GPC5: variants seen among roughly 807,000 people sequenced by gnomAD.
GPC5 encodes the protein glypican-5.
GPC5 carries 47 observed loss-of-function variants against 53.9 expected under a neutral mutation model. That is an observed-to-expected ratio of 0.87 (90% CI 0.69 to 1.11). The LOEUF is 1.11. Ranked by LOEUF, GPC5 falls within the 50% of genes most tolerant of loss-of-function variation. GPC5 has a pLI of 0.00. For missense variants in GPC5, 748 were observed against 713.1 expected, an observed-to-expected ratio of 1.05 and a Z score of -0.56; for synonymous variants, 286 against 263.3, an observed-to-expected ratio of 1.09 and a Z score of -0.84.
intron 2 of GPC5, among the ~76,000 whole-genome samples, chr13:91,618,925 A>G (rs1244007972): frequency 6.6e-6 from 1 of 152,152 alleles, no homozygotes; most frequent in Non-Finnish European, 1.5e-5. Flanking sequence ...ACAAACAAAT[A>G]AAAATGCACT....
At chr13:92,187,931 C>T (rs971054062) in intron 7 of GPC5, among the ~76,000 whole-genome samples, 1 of 152,194 alleles carries the variant, frequency 6.6e-6, no homozygotes, top group African/African-American at 2.4e-5. Flanking sequence ...CTCCTTCTAA[C>T]CACAAACTGT....
intron 5 of GPC5, among the ~76,000 whole-genome samples, chr13:91,788,397 C>T (rs2037911246): frequency 6.6e-6 from 1 of 152,098 alleles, no homozygotes; most frequent in Non-Finnish European, 1.5e-5. Context: ...ATTAGGACTT[C>T]AACATATGAA....
At chr13:91,506,638 T>C (rs1884958904) in intron 2 of GPC5, among the ~76,000 whole-genome samples, 1 of 152,074 alleles carries the variant, frequency 6.6e-6, no homozygotes, top group African/African-American at 2.4e-5. Context: ...AAGTTGAAAA[T>C]ACTCAAAATA....
chr13:92,446,671 A>C (rs1877840455), intron 7 of GPC5: 1 of 152,096 alleles, frequency 6.6e-6, no homozygotes, highest in Non-Finnish European at 1.5e-5. Context: ...TGGTTCATAC[A>C]GTAGTTCTAT....
intron 7 of GPC5, among the ~76,000 whole-genome samples, chr13:92,348,966 A>T (rs1228886258): frequency 1.3e-5 from 2 of 152,210 alleles, no homozygotes; most frequent in African/African-American, 2.4e-5. Flanking sequence ...TTTACCTAAA[A>T]AAAACCCAGA....
chr13:92,144,764 T>C, intron 6 of GPC5, 66 bp from the exon 7 acceptor site: 2 of 1,469,824 alleles, frequency 1.4e-6, no homozygotes, highest in Non-Finnish European at 1.9e-6. Flanking sequence ...AAATAAGTTT[T>C]CTGAATAGAA....
At chr13:92,372,333 G>A (rs2043657472) in intron 7 of GPC5, among the ~76,000 whole-genome samples, 1 of 152,124 alleles carries the variant, frequency 6.6e-6, no homozygotes, top group Non-Finnish European at 1.5e-5. Flanking sequence ...TATCCTCTGT[G>A]AAACAGAATA....
intron 6 of GPC5, among the ~76,000 whole-genome samples, chr13:91,991,789 C>T (rs527920365): frequency 6.6e-6 from 1 of 152,296 alleles, no homozygotes; most frequent in East Asian, 1.9e-4. Flanking sequence ...TCTTCATGCT[C>T]TGTGACTGGA....
At chr13:92,643,043 T>C (rs1194367101) in intron 7 of GPC5, among the ~76,000 whole-genome samples, 1 of 152,204 alleles carries the variant, frequency 6.6e-6, no homozygotes, top group East Asian at 1.9e-4. Flanking sequence ...TGTCTGTTCA[T>C]GTCCTTTGCC....
chr13:92,023,943 A>T (rs2040780533), intron 6 of GPC5, among the ~76,000 whole-genome samples: 1 of 152,102 alleles, frequency 6.6e-6, no homozygotes, highest in African/African-American at 2.4e-5. Context: ...AATTAAGTTG[A>T]TTTAATTCCC....
chr13:92,394,904 A>G (rs1875189318), intron 7 of GPC5, among the ~76,000 whole-genome samples: 2 of 152,318 alleles, frequency 1.3e-5, no homozygotes, highest in African/African-American at 2.4e-5. Context: ...GACAAATGTC[A>G]TTGCTTTGCA....
intron 7 of GPC5, among the ~76,000 whole-genome samples, chr13:92,624,941 A>G (rs562444463): frequency 6.6e-6 from 1 of 152,334 alleles, no homozygotes; most frequent in South Asian, 2.1e-4. Context: ...CATGAATACA[A>G]TAGCATGTAC....
intron 2 of GPC5, among the ~76,000 whole-genome samples, chr13:91,521,863 C>CTA (rs1434125363): frequency 6.6e-6 from 1 of 152,218 alleles, no homozygotes; most frequent in Non-Finnish European, 1.5e-5. Context: ...TGACTTGTGC[C>CTA]TATAACTGAC....
rs527436185 is a variant in GPC5 at position 92,304,111 on chromosome 13, G to A, written c.1561+159122G>A. Among the ~76,000 whole-genome samples the A allele has an allele frequency of 2.7e-4, 41 of 152,156 alleles. No homozygotes were observed. The South Asian group carries it at 3.5e-3, about 13-fold the overall frequency. On this transcript the variant is annotated intron_variant, in intron 7 of 7. Transcript: ENST00000377067. ...GCCTCATTATGGTTGGCTGTATATG[G>A]TGAACTCCATGTCTTGTAGGTTTTA...
intron 7 of GPC5, among the ~76,000 whole-genome samples, chr13:92,861,009 G>A (rs1879161956): frequency 6.6e-6 from 1 of 151,834 alleles, no homozygotes; most frequent in Non-Finnish European, 1.5e-5. Flanking sequence ...AGGAAACACA[G>A]CAATAGACTA....
At chr13:92,771,680 A>C (rs1287836566) in intron 7 of GPC5, among the ~76,000 whole-genome samples, 1 of 152,078 alleles carries the variant, frequency 6.6e-6, no homozygotes, top group Non-Finnish European at 1.5e-5. Flanking sequence ...TATCACAAAG[A>C]TACCTCTAGA....
intron 7 of GPC5, among the ~76,000 whole-genome samples, chr13:92,477,302 A>G (rs1879187774): frequency 6.6e-6 from 1 of 152,264 alleles, no homozygotes; most frequent in South Asian, 2.1e-4. Flanking sequence ...ATTCCATTTC[A>G]AGCCAAGACT....
In GPC5 at chr13:91,531,469, A is replaced by T. The variant is rs530869526; in HGVS notation, c.325+82547A>T. Among the ~76,000 whole-genome samples the T allele has an allele frequency of 1.2e-3, 181 of 152,288 alleles. 1 individual carries two copies. The highest frequency in any genetic ancestry group is 4.2e-3 in the African/African-American group (175 of 41,566). Reference sequence around the variant, plus strand: ...ATAAAATCCCTAACTCTCTTTTAAAACTTACAAAGGAAAGATACTTTTTAG... The same window carrying T: ...ATAAAATCCCTAACTCTCTTTTAAATCTTACAAAGGAAAGATACTTTTTAG... On this transcript the variant is annotated intron_variant, in intron 2 of 7. Transcript: ENST00000377067.
At chr13:92,567,635 C>T (rs1882901652) in intron 7 of GPC5, among the ~76,000 whole-genome samples, 1 of 152,080 alleles carries the variant, frequency 6.6e-6, no homozygotes, top group Non-Finnish European at 1.5e-5. Context: ...AAATACAGGA[C>T]TCTCAGATAC....
Sources: gnomAD v4.1 joint callset for allele counts (sites outside exome capture counted in the v4.1 genomes callset) on GRCh38, gnomAD v4.1.1 for gene constraint, MANE v1.5 for transcripts, NCBI Gene and HGNC (gene_info 2026-07-23, HGNC 2026-07-21) for gene names.